TCP11L1: variants seen among roughly 807,000 people sequenced by gnomAD.
TCP11L1 encodes t-complex 11 like 1.
TCP11L1 carries 28 observed loss-of-function variants against 48.9 expected under a neutral mutation model. The observed-to-expected ratio is 0.57, with a 90% CI of 0.42 to 0.78. The LOEUF (loss-of-function observed/expected upper bound fraction) is 0.78. TCP11L1 is among the 30% of genes least tolerant of loss of function. The pLI is 0.00. For synonymous variants in TCP11L1, 204 were observed against 231.9 expected, an observed-to-expected ratio of 0.88 and a Z score of 1.09; for missense variants, 505 against 613.4, an observed-to-expected ratio of 0.82 and a Z score of 1.87.
chr11:33,043,244 A>G (rs904621369), intron 1 of TCP11L1, among the ~76,000 whole-genome samples: 1 of 152,172 alleles, frequency 6.6e-6, no homozygotes, highest in African/African-American at 2.4e-5. Context: ...TGGAAAAAAA[A>G]AAAATTCTAG....
At chr11:33,054,761 C>T (rs2133714105) in intron 3 of TCP11L1, 36 bp downstream of exon 3, 2 of 1,580,048 alleles carry the variant, frequency 1.3e-6, no homozygotes, top group East Asian at 2.3e-5. Flanking sequence ...CTTAGTAGAA[C>T]ACTGTCATTT....
At chr11:33,063,884 G>A (rs553781015) in intron 7 of TCP11L1, among the ~76,000 whole-genome samples, 3 of 152,292 alleles carry the variant, frequency 2.0e-5, no homozygotes, top group Admixed American at 6.5e-5. Context: ...AATTGGAGAT[G>A]GGAAAATGTT....
At chr11:33,052,618 A>G (rs1012874476) in intron 2 of TCP11L1, among the ~76,000 whole-genome samples, 1 of 152,198 alleles carries the variant, frequency 6.6e-6, no homozygotes, top group Non-Finnish European at 1.5e-5. Context: ...ACATAAAATT[A>G]ATATATTCAT....
intron 1 of TCP11L1, among the ~76,000 whole-genome samples, chr11:33,042,810 G>C (rs1034782761): frequency 5.9e-5 from 9 of 152,040 alleles, no homozygotes; most frequent in African/African-American, 2.2e-4. Context: ...GCTCACGCCT[G>C]TAATCCCAGC....
At chr11:33,056,872 G>A in intron 3 of TCP11L1, 1 of 514,344 alleles carries the variant, frequency 1.9e-6, no homozygotes, top group Non-Finnish European at 3.5e-6. Flanking sequence ...CTGTTTCTTG[G>A]ATTAATGTTG....
intron 2 of TCP11L1, among the ~76,000 whole-genome samples, chr11:33,046,999 C>G (rs1335106698): frequency 6.6e-6 from 1 of 152,046 alleles, no homozygotes; most frequent in Non-Finnish European, 1.5e-5. Flanking sequence ...AGGTGAATCA[C>G]CTGAGGTGAG....
chr11:33,045,323 C>T lies in TCP11L1; in HGVS notation c.163+1387C>T, dbSNP rs978365752. Reference sequence around the variant, plus strand: ...AGCCGAGATCACGCCACTGCACTCCCGTCTGGGTGACAAAGTAAGACCCTG... The same window carrying T: ...AGCCGAGATCACGCCACTGCACTCCTGTCTGGGTGACAAAGTAAGACCCTG... On this transcript the variant is annotated intron_variant, in intron 2 of 9. Transcript: ENST00000334274. 4.1e-5 allele frequency among the ~76,000 whole-genome samples: 6 copies of T among 147,964 alleles called. No homozygotes were observed. In the South Asian group the frequency reaches 1.1e-3, roughly 27 times the overall value.
chr11:33,044,345 T>C (rs954065518), intron 2 of TCP11L1, among the ~76,000 whole-genome samples: 7 of 152,182 alleles, frequency 4.6e-5, no homozygotes, highest in African/African-American at 1.7e-4. Flanking sequence ...ATTCTCTGCC[T>C]GGGGGCTTAG....
At chr11:33,072,150 G>A (rs1382993638) in intron 9 of TCP11L1, among the ~76,000 whole-genome samples, 1 of 152,080 alleles carries the variant, frequency 6.6e-6, no homozygotes, top group Non-Finnish European at 1.5e-5. Context: ...GGCCACTCAT[G>A]CATTCATTCT....
At chr11:33,058,166 G>A (rs372408340) in intron 5 of TCP11L1, 27 bp downstream of exon 5, 292 of 1,560,126 alleles carry the variant, frequency 1.9e-4, no homozygotes, top group Middle Eastern at 3.4e-4. Flanking sequence ...ATCATACTCC[G>A]TGCAACTACA....
chr11:33,068,681 C>T lies in TCP11L1; in HGVS notation c.1155-6C>T. On this transcript the variant is annotated splice_region_variant and splice_polypyrimidine_tract_variant and intron_variant, in intron 8 of 9. Coordinates refer to ENST00000334274, the MANE Select transcript of TCP11L1 (RefSeq NM_018393.4). ...TATAGGCCCTTTCTCCCCTCCTCTGCCCCAGCTCCTTCCATCTGAAGGACG... is the reference window on the plus strand; with the variant it reads ...TATAGGCCCTTTCTCCCCTCCTCTGTCCCAGCTCCTTCCATCTGAAGGACG... 1 of 1,613,370 alleles carries T rather than the reference C, an allele frequency of 6.2e-7. No homozygotes were observed. The highest frequency in any genetic ancestry group is 1.3e-5 in the African/African-American group (1 of 74,998).
chr11:33,061,850 G>A lies in TCP11L1; in HGVS notation c.972+124G>A, dbSNP rs1854477314. 5 of 979,798 alleles carry A rather than the reference G, an allele frequency of 5.1e-6. No homozygotes were observed. In the South Asian group the frequency reaches 1.0e-4, roughly 20 times the overall value. 60.7% of individuals were successfully genotyped at this position (979,798 alleles called of 1,614,324 possible). ...AATCCCAGCACTTTGGGAGGCAGAG[G>A]CAGGCAGATTGCTTGAGGTCAGGAG... On this transcript the variant is annotated intron_variant, in intron 7 of 9. Coordinates refer to ENST00000334274, the MANE Select transcript of TCP11L1 (RefSeq NM_018393.4).
In TCP11L1 at chr11:33,072,538, A is replaced by T. The variant is rs373649581; in HGVS notation, c.1392A>T (p.Thr464=). ...CGGGTCATCAGAAGCCATTGCCCAC[A>T]GTCCCTGGGGGACTCAGTCCAGTTC... The part of the protein sequence containing the change: ...LASGHQKPLP[T]VPGGLSPVQR... The change falls in exon 10 of 10, where the codon ACA becomes ACT. Residue 464 remains threonine (T), a synonymous_variant. Transcript: ENST00000334274. 1 of 1,614,190 alleles carries T rather than the reference A, an allele frequency of 6.2e-7. No individual in the cohort carries two copies. Among genetic ancestry groups the T allele is most frequent in the Non-Finnish European group, 8.5e-7 (1 of 1,180,030 alleles).
intron 3 of TCP11L1, among the ~76,000 whole-genome samples, chr11:33,056,259 C>G (rs10430852): frequency 0.41 from 62,253 of 151,790 alleles, 12,972 homozygotes; most frequent in African/African-American, 0.47. Context: ...ATAAAGCATG[C>G]ACCACCACAC....
Position 33,057,249 on chromosome 11 carries a change from T to A in TCP11L1, c.417+14T>A. ...GAAATCAAAGAGGTGAGGCAAAGAG[T>A]GAATTGTGATGCTTTTCTGGTGTGT... On this transcript the variant is annotated intron_variant, in intron 4 of 9. Transcript: ENST00000334274. 1 of 1,613,822 alleles carries A rather than the reference T, an allele frequency of 6.2e-7. No individual in the cohort carries two copies. Among genetic ancestry groups the A allele is most frequent in the Non-Finnish European group, 8.5e-7 (1 of 1,179,918 alleles).
intron 2 of TCP11L1, among the ~76,000 whole-genome samples, chr11:33,048,726 C>T (rs184859740): frequency 1.4e-4 from 21 of 152,230 alleles, no homozygotes; most frequent in Middle Eastern, 6.8e-3. Flanking sequence ...TGAGAATGCA[C>T]TTGTTTAAAA....
At chr11:33,063,062 G>A (rs1383103399) in intron 7 of TCP11L1, among the ~76,000 whole-genome samples, 2 of 152,062 alleles carry the variant, frequency 1.3e-5, no homozygotes, top group East Asian at 1.9e-4. Flanking sequence ...CAGGGGTCTC[G>A]CTATGTTACT....
chr11:33,058,979 A>G lies in TCP11L1; in HGVS notation c.659A>G (p.Asp220Gly), dbSNP rs1370350082. The G allele has an allele frequency of 1.2e-6, 2 of 1,614,074 alleles. No homozygotes were observed. Among genetic ancestry groups the G allele is most frequent in the Non-Finnish European group, 1.7e-6 (2 of 1,179,982 alleles). Residue 220 changes from aspartate (D) to glycine (G), a missense_variant, in exon 6 of 10, where the codon GAC becomes GGC. Asp to Gly is a moderately conservative substitution (Grantham distance 94). Coordinates refer to ENST00000334274, the MANE Select transcript of TCP11L1 (RefSeq NM_018393.4). ...PLFREIFSVL[D>G]LMKVDMANFA... ...TTCAGAGAAATTTTTTCTGTGTTGG[A>G]CCTAATGAAAGTGGACATGGCCAAC...
chr11:33,066,009 G>GC lies in TCP11L1; in HGVS notation c.1154dup (p.Ser386LeufsTer51). 1 of 1,613,888 alleles carries GC rather than the reference G, an allele frequency of 6.2e-7. No homozygotes were observed. Among genetic ancestry groups the GC allele is most frequent in the Non-Finnish European group, 8.5e-7 (1 of 1,179,830 alleles). On this transcript the variant is annotated frameshift_variant and splice_region_variant, in exon 8 of 10. Coordinates refer to ENST00000334274, the MANE Select transcript of TCP11L1 (RefSeq NM_018393.4). LOFTEE classifies it high-confidence loss of function. Reference sequence around the variant, plus strand: ...AGATTTTGCTAACAGATATGCACCTGCCGTAAGTGGAACTTTGATGCGTGG... The same window carrying GC: ...AGATTTTGCTAACAGATATGCACCTGCCCGTAAGTGGAACTTTGATGCGTGG...
Sources: allele counts gnomAD v4.1 joint callset (sites outside exome capture counted in the v4.1 genomes callset), GRCh38; gene constraint gnomAD v4.1.1; transcripts MANE v1.5; gene names NCBI Gene and HGNC (gene_info 2026-07-23, HGNC 2026-07-21).